Variants in HLCS observed in about 807,000 individuals in gnomAD.
HLCS encodes the protein holocarboxylase synthetase.
Under a neutral mutation model 75.0 loss-of-function variants are expected in HLCS, and 53 were observed. The observed-to-expected ratio is 0.71, with a 90% CI of 0.57 to 0.89. The LOEUF (loss-of-function observed/expected upper bound fraction) is 0.89, where lower values mean the gene tolerates loss of function less well. HLCS is among the 40% of genes least tolerant of loss of function. The pLI is 0.00. For synonymous variants in HLCS, 431 were observed against 428.6 expected (o/e 1.01, Z -0.07); for missense variants, 966 against 1,074.0 (o/e 0.90, Z 1.41).
intron 6 of HLCS, among the ~76,000 whole-genome samples, chr21:36,859,631 G>A (rs2063317642): frequency 6.6e-6 from 1 of 152,216 alleles, no homozygotes; most frequent in Admixed American, 6.5e-5. Context: ...CAGCTGGAGT[G>A]GCCTTGCTGC....
intron 5 of HLCS, among the ~76,000 whole-genome samples, chr21:36,917,950 T>C (rs1463945785): frequency 7.1e-6 from 1 of 141,126 alleles, no homozygotes; most frequent in Admixed American, 7.1e-5. Context: ...TCTCTTGCAT[T>C]AAAAAAAAAA....
At chr21:36,816,876 A>G (rs1440367605) in intron 6 of HLCS, among the ~76,000 whole-genome samples, 1 of 152,122 alleles carries the variant, frequency 6.6e-6, no homozygotes, top group Non-Finnish European at 1.5e-5. Flanking sequence ...CTTTCCCATG[A>G]CTCGTAAGCT....
intron 6 of HLCS, among the ~76,000 whole-genome samples, chr21:36,895,662 C>T (rs2064984002): frequency 6.6e-6 from 1 of 152,126 alleles, no homozygotes; most frequent in Non-Finnish European, 1.5e-5. Flanking sequence ...AAAGTTGGCT[C>T]ATCATTTTAT....
At position 36,750,232 on chromosome 21, in the gene HLCS, A is replaced by G. The variant is rs903325030; in HGVS notation, c.*4014T>C. ...TGCCTCTCTTTTACAAAAAAGAAAA[A>G]AAAATCATCGTAGGCCCTAACATGT... On this transcript the variant is annotated 3_prime_UTR_variant, in exon 11 of 11. Transcript: ENST00000674895. 6.6e-6 allele frequency among the ~76,000 whole-genome samples: 1 copy of G among 152,250 alleles called. No homozygotes were observed.
At position 36,754,321 on chromosome 21, in the gene HLCS, G is replaced by A. The variant is rs768097284; in HGVS notation, c.2547C>T (p.Gly849=). 21 of 1,613,994 alleles carry A rather than the reference G, an allele frequency of 1.3e-5. No homozygotes were observed. The Middle Eastern group carries it at 6.6e-4, about 51-fold the overall frequency. The change falls in exon 11 of 11, where the codon GGC becomes GGT. Residue 849 remains glycine, a synonymous_variant. Coordinates refer to ENST00000674895, the MANE Select transcript of HLCS (RefSeq NM_001352514.2). ...SGFLQVHQEG[G]EVVTVHPDGN... is the part of the protein sequence containing the mutation. ...CGTCCGGGTGCACAGTCACAACCTC[G>A]CCGCCCTCCTGGTGAACCTGGAGGA...
At chr21:36,952,464 T>C (rs1175944257) in intron 2 of HLCS, among the ~76,000 whole-genome samples, 1 of 152,130 alleles carries the variant, frequency 6.6e-6, no homozygotes, top group Non-Finnish European at 1.5e-5. Context: ...ATCCTCCTTG[T>C]TGGGAAGGCA....
At chr21:36,905,934 C>T (rs569508966) in intron 5 of HLCS, among the ~76,000 whole-genome samples, 1 of 151,296 alleles carries the variant, frequency 6.6e-6, no homozygotes, top group Non-Finnish European at 1.5e-5. Flanking sequence ...CCTATAATCT[C>T]AGGTACTTGG....
At chr21:36,948,660 T>G (rs2067522555) in intron 2 of HLCS, among the ~76,000 whole-genome samples, 1 of 124,200 alleles carries the variant, frequency 8.1e-6, no homozygotes, top group Admixed American at 1.2e-4. Context: ...GCCCAGGAAG[T>G]AAAGGCTGCA....
chr21:36,915,269 TA>T (rs1291081085), intron 5 of HLCS, among the ~76,000 whole-genome samples: 1 of 152,238 alleles, frequency 6.6e-6, no homozygotes, highest in Non-Finnish European at 1.5e-5. Context: ...CTCTCTCTGG[TA>T]AAACGGAGCT....
intron 6 of HLCS, among the ~76,000 whole-genome samples, chr21:36,781,435 T>A (rs1264602126): frequency 6.6e-6 from 1 of 152,178 alleles, no homozygotes; most frequent in Non-Finnish European, 1.5e-5. Flanking sequence ...TTTAAAGTGA[T>A]CTTGTGTTGA....
At chr21:36,987,113 T>G (rs556442932) in intron 1 of HLCS, among the ~76,000 whole-genome samples, 1 of 152,238 alleles carries the variant, frequency 6.6e-6, no homozygotes, top group African/African-American at 2.4e-5. Flanking sequence ...AGCACCTCCT[T>G]GTGTTTTGAA....
chr21:36,962,793 C>CAAA lies in HLCS; in HGVS notation c.196-626_196-624dup, dbSNP rs386394699. On this transcript the variant is annotated intron_variant, in intron 1 of 10. Transcript: ENST00000674895. ...TGGGTGACAGAGTGAGACCCTATCT[C>CAAA]AAAAAAAAAAAAAAAAAAAAAAGAT... Among the ~76,000 whole-genome samples, 136 of 80,196 alleles carry CAAA rather than the reference C, an allele frequency of 1.7e-3. 4 individuals are homozygous for CAAA. The highest frequency in any genetic ancestry group is 4.1e-3 in the East Asian group (11 of 2,682). 52.6% of individuals were successfully genotyped at this position (80,196 alleles called of 152,430 possible).
At chr21:36,956,793 T>C (rs1337013803) in intron 2 of HLCS, among the ~76,000 whole-genome samples, 1 of 151,564 alleles carries the variant, frequency 6.6e-6, no homozygotes, top group Non-Finnish European at 1.5e-5. Context: ...GGCTCATGGC[T>C]GTATCACAGC....
chr21:36,816,844 G>A (rs1334571933), intron 6 of HLCS, among the ~76,000 whole-genome samples: 1 of 152,118 alleles, frequency 6.6e-6, no homozygotes, highest in Non-Finnish European at 1.5e-5. Flanking sequence ...CAGGTGTGAG[G>A]GAAATTGGTG....
At chr21:36,757,313 G>T (rs942901776) in intron 9 of HLCS, among the ~76,000 whole-genome samples, 1 of 152,184 alleles carries the variant, frequency 6.6e-6, no homozygotes, top group Non-Finnish European at 1.5e-5. Flanking sequence ...AGGTTACGCT[G>T]TTGGCAAGAC....
intron 6 of HLCS, among the ~76,000 whole-genome samples, chr21:36,821,563 G>A (rs1388148293): frequency 6.6e-6 from 1 of 152,192 alleles, no homozygotes; most frequent in African/African-American, 2.4e-5. Flanking sequence ...CCTGCTCTGC[G>A]CTTTGCTCCG....
At chr21:36,811,322 G>C (rs190459996) in intron 6 of HLCS, among the ~76,000 whole-genome samples, 1 of 152,294 alleles carries the variant, frequency 6.6e-6, no homozygotes, top group East Asian at 1.9e-4. Context: ...GTACAAGCTA[G>C]CAGTGACCTA....
intron 9 of HLCS, among the ~76,000 whole-genome samples, chr21:36,758,237 G>C (rs1317276490): frequency 6.6e-6 from 1 of 151,998 alleles, no homozygotes; most frequent in African/African-American, 2.4e-5. Flanking sequence ...CTCCTGAGTA[G>C]CTAGGACTAC....
chr21:36,964,217 C>G (rs1409407132), intron 1 of HLCS, among the ~76,000 whole-genome samples: 1 of 152,184 alleles, frequency 6.6e-6, no homozygotes, highest in Non-Finnish European at 1.5e-5. Flanking sequence ...AGAATGAGAT[C>G]CATCTCAACA....
Sources: allele counts gnomAD v4.1 joint callset (sites outside exome capture counted in the v4.1 genomes callset), GRCh38; gene constraint gnomAD v4.1.1; transcripts MANE v1.5; gene names NCBI Gene and HGNC (gene_info 2026-07-23, HGNC 2026-07-21).